The following TET3 variants were observed in gnomAD, a reference collection of about 807,000 sequenced individuals.
TET3 encodes the protein tet methylcytosine dioxygenase 3, also known as methylcytosine dioxygenase TET3.
TET3 carries 19 observed loss-of-function variants against 141.4 expected under a neutral mutation model. The observed-to-expected ratio is 0.13, with a 90% CI of 0.09 to 0.20. The LOEUF is 0.20. Among genes scored for constraint, TET3 ranks in the 10% least tolerant of loss-of-function variants. The pLI is 1.00. For missense variants in TET3, 1,874 were observed against 2,356.9 expected (o/e 0.80, Z 4.24); for synonymous variants, 1,043 against 980.9 (o/e 1.06, Z -1.18).
intron 4 of TET3, among the ~76,000 whole-genome samples, chr2:74,069,967 A>T (rs1371276373): frequency 6.6e-6 from 1 of 152,236 alleles, no homozygotes; most frequent in East Asian, 1.9e-4. Flanking sequence ...TTTTGTGACA[A>T]TGATTTCCTT....
the TET3 span, among the ~76,000 whole-genome samples, chr2:74,114,759 C>T: frequency 6.9e-6 from 1 of 144,918 alleles, no homozygotes; most frequent in African/African-American, 2.6e-5. Context: ...GAGGCTGAGG[C>T]AGGAAAATCG....
chr2:74,055,143 AC>A (rs1688145619), intron 4 of TET3, among the ~76,000 whole-genome samples: 1 of 151,992 alleles, frequency 6.6e-6, no homozygotes, highest in Non-Finnish European at 1.5e-5. Context: ...CAAGCGATCC[AC>A]CCACCTCGGC....
chr2:74,059,233 G>A (rs965611079), intron 4 of TET3, among the ~76,000 whole-genome samples: 1 of 152,168 alleles, frequency 6.6e-6, no homozygotes, highest in Non-Finnish European at 1.5e-5. Context: ...TCTATATTGT[G>A]TTTTTATTTT....
intron 4 of TET3, among the ~76,000 whole-genome samples, chr2:74,053,897 A>G (rs549146778): frequency 1.3e-5 from 2 of 152,266 alleles, no homozygotes; most frequent in Non-Finnish European, 2.9e-5. Flanking sequence ...GTTTTTTTGA[A>G]ACAATGACTA....
At chr2:74,085,158 A>G (rs980526988) in intron 6 of TET3, among the ~76,000 whole-genome samples, 2 of 152,190 alleles carry the variant, frequency 1.3e-5, no homozygotes, top group African/African-American at 2.4e-5. Context: ...AGCAAAAAAA[A>G]AAAAAAGAAA....
chr2:74,093,759 A>AG lies in TET3; in HGVS notation c.3267+96dup. ...TCAGAAAGGCAGGCTGAGGGTAGGG[A>AG]GGGACCTGGAGACAGGATCCTCAGA... On this transcript the variant is annotated intron_variant, in intron 10 of 11. Coordinates refer to ENST00000409262, the MANE Select transcript of TET3 (RefSeq NM_001287491.2). The surrounding 1 kb of genome is among the most constrained non-coding windows in gnomAD (Gnocchi z 4.2). The AG allele has an allele frequency of 2.1e-6, 3 of 1,406,706 alleles. No homozygotes were observed. The highest frequency in any genetic ancestry group is 2.8e-6 in the Non-Finnish European group (3 of 1,070,174). 87.1% of individuals were successfully genotyped at this position (1,406,706 alleles called of 1,614,324 possible).
rs1196201403 is a variant in TET3 at position 74,093,660 on chromosome 2, C to T, written c.3261C>T (p.Cys1087=). ...ACCAGCATAACCTCTACAATGGGTG[C>T]ACCGTGGTAAGCCTGTGCCCTGTCA... ...HKDQHNLYNG[C]TVVCTLTKED... Residue 1087 remains cysteine (C), a synonymous_variant, in exon 10 of 12, where the codon TGC becomes TGT. Coordinates refer to ENST00000409262, the MANE Select transcript of TET3 (RefSeq NM_001287491.2). This position sits in a 1 kb window ranked among gnomAD's most constrained non-coding sequence, Gnocchi z 4.2. 2.5e-6 allele frequency: 4 copies of T among 1,608,826 alleles called. No individual in the cohort carries two copies. Among genetic ancestry groups the T allele is most frequent in the Admixed American group, 1.7e-5 (1 of 59,670 alleles).
intron 4 of TET3, among the ~76,000 whole-genome samples, chr2:74,063,080 C>T (rs1688684964): frequency 6.6e-6 from 1 of 151,944 alleles, no homozygotes; most frequent in Admixed American, 6.5e-5. Context: ...GATGAGGTTT[C>T]ACCATGTTGA....
intron 8 of TET3, among the ~76,000 whole-genome samples, chr2:74,090,819 C>T (rs181288240): frequency 2.6e-4 from 39 of 152,352 alleles, no homozygotes; most frequent in Non-Finnish European, 3.8e-4. Context: ...AGGCACAAGC[C>T]TATCCAGGTT....
the TET3 span, among the ~76,000 whole-genome samples, chr2:74,131,356 C>T: frequency 6.6e-6 from 1 of 152,212 alleles, no homozygotes; most frequent in South Asian, 2.1e-4. Context: ...CCTGAGCGCT[C>T]CAGCAGCCAT....
Position 74,045,382 on chromosome 2 carries a change from CCTT to C in TET3, c.361-893_361-891del, listed in dbSNP as rs1244655395. On this transcript the variant is annotated intron_variant, in intron 3 of 11. Transcript: ENST00000409262. The stretch of plus-strand genomic sequence containing the variant: ...CTGATGTCTTTTTAAATCCATCAGT[CCTT>C]CTGTGTTTTCTCTTAGCATTCTACA... Among the ~76,000 whole-genome samples, 3 of 152,300 alleles carry C rather than the reference CCTT, an allele frequency of 2.0e-5. No individual in the cohort carries two copies. In the East Asian group the frequency reaches 5.8e-4, roughly 29 times the overall value.
chr2:74,061,654 TC>T (rs1189048566), intron 4 of TET3, among the ~76,000 whole-genome samples: 13 of 147,030 alleles, frequency 8.8e-5, no homozygotes, highest in Non-Finnish European at 1.9e-4. Context: ...GCTCCTCACT[TC>T]CCAGACGGGG....
At chr2:74,017,870 T>C (rs1685816652) in intron 3 of TET3, among the ~76,000 whole-genome samples, 1 of 151,936 alleles carries the variant, frequency 6.6e-6, no homozygotes, top group Non-Finnish European at 1.5e-5. Flanking sequence ...TCTGTAAGAG[T>C]TCCCCTTTCT....
chr2:74,097,094 A>G (rs1690879519), intron 10 of TET3, among the ~76,000 whole-genome samples: 1 of 136,974 alleles, frequency 7.3e-6, no homozygotes, highest in Non-Finnish European at 1.6e-5. Flanking sequence ...CTTATCTCAA[A>G]AAGAAAAAGA....
intron 3 of TET3, among the ~76,000 whole-genome samples, chr2:74,017,329 A>G (rs1359114394): frequency 6.6e-6 from 1 of 152,118 alleles, no homozygotes; most frequent in Admixed American, 6.5e-5. Flanking sequence ...GAACACCGCA[A>G]CTTAGTCCTT....
At chr2:74,023,442 T>A (rs1686169325) in intron 3 of TET3, among the ~76,000 whole-genome samples, 1 of 151,974 alleles carries the variant, frequency 6.6e-6, no homozygotes, top group South Asian at 2.1e-4. Flanking sequence ...GGGGTCTCAC[T>A]GTGTTGCCTG....
At chr2:74,099,706 A>T in intron 11 of TET3, 94 bp downstream of exon 11, 5 of 1,274,314 alleles carry the variant, frequency 3.9e-6, no homozygotes, top group Non-Finnish European at 5.3e-6. Flanking sequence ...TCACACTGGA[A>T]CTGGGGCCTC....
intron 1 of TET3, among the ~76,000 whole-genome samples, chr2:73,985,564 G>T (rs1042102621): frequency 2.1e-4 from 31 of 149,206 alleles, no homozygotes; most frequent in African/African-American, 7.3e-4. Context: ...CCACCTCCAG[G>T]CGGCTTCCGT....
rs372683542 is a variant in TET3 at position 74,093,087 on chromosome 2, C to G, written c.3129+96C>G. 1,538 of 1,156,624 alleles carry G rather than the reference C, an allele frequency of 1.3e-3. 2 individuals are homozygous for G. The highest frequency in any genetic ancestry group is 1.6e-3 in the Non-Finnish European group (1,298 of 795,230). 71.6% of individuals were successfully genotyped at this position (1,156,624 alleles called of 1,614,324 possible). A position where few individuals can be genotyped will look rare whatever the true frequency, so the allele number is the denominator to read the frequency against. On this transcript the variant is annotated intron_variant, in intron 9 of 11. Transcript: ENST00000409262. The surrounding 1 kb of genome is among the most constrained non-coding windows in gnomAD (Gnocchi z 4.2). ...AAGTGGGAGAGTGGGCTCTTTTACT[C>G]TCTTATGGGAAGAGCCTAGTCCAGA...
Sources: allele counts gnomAD v4.1 joint callset (sites outside exome capture counted in the v4.1 genomes callset), GRCh38; gene constraint gnomAD v4.1.1; non-coding constraint Gnocchi (gnomAD v3.1); transcripts MANE v1.5; gene names NCBI Gene and HGNC (gene_info 2026-07-23, HGNC 2026-07-21).